The following DYSF variants were observed in gnomAD, a reference collection of about 807,000 sequenced individuals.
The protein encoded by DYSF is dystrophy-associated fer-1-like 1.
DYSF carries 212 observed loss-of-function variants against 274.9 expected under a neutral mutation model. That is an observed-to-expected ratio of 0.77 (90% CI 0.69 to 0.86). The LOEUF (loss-of-function observed/expected upper bound fraction) is 0.86, where lower values mean the gene tolerates loss of function less well. DYSF is among the 40% of genes least tolerant of loss of function. The pLI, the probability that DYSF is intolerant of heterozygous loss-of-function variation, is 0.00. For synonymous variants in DYSF, 1,091 were observed against 1,078.7 expected (o/e 1.01, Z -0.22); for missense variants, 2,666 against 2,783.2 (o/e 0.96, Z 0.95).
chr2:71,618,073 T>C (rs2093954674), intron 40 of DYSF, among the ~76,000 whole-genome samples: 1 of 123,330 alleles, frequency 8.1e-6, no homozygotes, highest in Non-Finnish European at 1.7e-5. Context: ...AGATGGGGTG[T>C]GTGTGTGGTA....
At chr2:71,513,576 G>T in intron 6 of DYSF, 140 bp from the exon 7 acceptor site, 1 of 914,868 alleles carries the variant, frequency 1.1e-6, no homozygotes, top group Non-Finnish European at 1.7e-6. Flanking sequence ...CACTGATGGG[G>T]AGGGAGGAGG....
At chr2:71,599,120 T>C (rs2093480710) in intron 33 of DYSF, among the ~76,000 whole-genome samples, 1 of 152,192 alleles carries the variant, frequency 6.6e-6, no homozygotes, top group Non-Finnish European at 1.5e-5. Flanking sequence ...GGCCCTTCAC[T>C]TGGGGTTCCT....
At chr2:71,512,262 C>T (rs542365653) in intron 5 of DYSF, among the ~76,000 whole-genome samples, 5 of 152,292 alleles carry the variant, frequency 3.3e-5, no homozygotes, top group Admixed American at 3.3e-4. Context: ...TGGGGTCTGA[C>T]CCAGGTGATA....
chr2:71,496,735 C>G (rs78128814), intron 3 of DYSF, among the ~76,000 whole-genome samples: 7,870 of 152,090 alleles, frequency 0.052, 253 homozygotes, highest in African/African-American at 0.11. Flanking sequence ...TCCAGGAATT[C>G]TGGGAAGAGA....
chr2:71,536,208 T>C (rs2089320796), intron 16 of DYSF, among the ~76,000 whole-genome samples: 1 of 152,202 alleles, frequency 6.6e-6, no homozygotes, highest in Non-Finnish European at 1.5e-5. Flanking sequence ...CCAAGAAGTC[T>C]TGGCTTTGTG....
At chr2:71,568,549 C>T (rs1177192777) in intron 26 of DYSF, among the ~76,000 whole-genome samples, 2 of 150,754 alleles carry the variant, frequency 1.3e-5, no homozygotes, top group African/African-American at 4.9e-5. Flanking sequence ...GTCCTTTATT[C>T]TTTTCATTAA....
At chr2:71,631,893 C>T (rs572594208) in intron 41 of DYSF, among the ~76,000 whole-genome samples, 1 of 152,178 alleles carries the variant, frequency 6.6e-6, no homozygotes, top group South Asian at 2.1e-4. Context: ...GTCTGGCAAA[C>T]TTCAGGGCTC....
intron 41 of DYSF, among the ~76,000 whole-genome samples, chr2:71,629,919 T>G (rs2094284376): frequency 6.6e-6 from 1 of 152,262 alleles, no homozygotes; most frequent in African/African-American, 2.4e-5. Context: ...TTGTGTACTC[T>G]AATTTCTTGT....
At chr2:71,637,551 G>T (rs1377192857) in intron 41 of DYSF, among the ~76,000 whole-genome samples, 1 of 152,204 alleles carries the variant, frequency 6.6e-6, no homozygotes, top group African/African-American at 2.4e-5. Flanking sequence ...CCAGGGAAGT[G>T]AGATGAGGTG....
intron 5 of DYSF, among the ~76,000 whole-genome samples, chr2:71,512,327 CA>C (rs1223726895): frequency 1.3e-5 from 2 of 152,216 alleles, no homozygotes; most frequent in Non-Finnish European, 2.9e-5. Context: ...CAGCACCCAG[CA>C]GGCCTTTGGT....
At chr2:71,479,050 G>A (rs1395347890) in intron 1 of DYSF, among the ~76,000 whole-genome samples, 1 of 151,854 alleles carries the variant, frequency 6.6e-6, no homozygotes, top group Non-Finnish European at 1.5e-5. Flanking sequence ...GAGGCTCGAG[G>A]GACTTTCGTG....
At chr2:71,665,038 AC>A in intron 46 of DYSF, 123 bp from the exon 47 acceptor site, 1 of 1,471,674 alleles carries the variant, frequency 6.8e-7, no homozygotes, top group Admixed American at 1.7e-5. Flanking sequence ...ATCAGATGGG[AC>A]ACCCACTGTA....
At chr2:71,533,995 C>G (rs1443811319) in intron 14 of DYSF, among the ~76,000 whole-genome samples, 1 of 152,102 alleles carries the variant, frequency 6.6e-6, no homozygotes. Flanking sequence ...TGCTAACTAA[C>G]ACAAGGGCCA....
intron 30 of DYSF, among the ~76,000 whole-genome samples, chr2:71,581,233 C>T (rs184716839): frequency 2.6e-5 from 4 of 152,364 alleles, no homozygotes; most frequent in African/African-American, 9.6e-5. Flanking sequence ...CGCGCCAGCC[C>T]ACACGTGGCA....
chr2:71,616,060 C>A (rs762997131), intron 40 of DYSF, among the ~76,000 whole-genome samples: 14 of 152,220 alleles, frequency 9.2e-5, no homozygotes, highest in Non-Finnish European at 1.5e-4. Context: ...TTACCAGCAT[C>A]TGCCTAGGTC....
At chr2:71,469,469 G>A (rs1644888884) in intron 1 of DYSF, among the ~76,000 whole-genome samples, 1 of 152,170 alleles carries the variant, frequency 6.6e-6, no homozygotes, top group Non-Finnish European at 1.5e-5. Context: ...GAACCACTGA[G>A]CCCAGCTCCT....
chr2:71,673,732 T>C (rs1428211443), intron 51 of DYSF, among the ~76,000 whole-genome samples: 1 of 152,206 alleles, frequency 6.6e-6, no homozygotes, highest in African/African-American at 2.4e-5. Context: ...CTATGTGGTC[T>C]TGGACAAATT....
intron 3 of DYSF, among the ~76,000 whole-genome samples, chr2:71,494,212 T>A (rs116759537): frequency 1.3e-3 from 204 of 152,296 alleles, no homozygotes; most frequent in African/African-American, 4.7e-3. Flanking sequence ...ACAACTTTCG[T>A]GGCAGTTTGT....
In DYSF at chr2:71,655,424, A is replaced by G. The variant is rs553618237; in HGVS notation, c.4627-738A>G. Among the ~76,000 whole-genome samples the G allele has an allele frequency of 2.0e-3, 301 of 152,346 alleles. 1 individual carries two copies. The highest frequency in any genetic ancestry group is 2.8e-3 in the Non-Finnish European group (193 of 68,036). On this transcript the variant is annotated intron_variant, in intron 42 of 55. Coordinates refer to ENST00000410020, the MANE Select transcript of DYSF (RefSeq NM_001130987.2). ...ATTTGGAAAGATGATTTCAGATATGACGAATTTAGCATGTATGTTAACCTG... is the reference window on the plus strand; with the variant it reads ...ATTTGGAAAGATGATTTCAGATATGGCGAATTTAGCATGTATGTTAACCTG...
Sources: allele counts gnomAD v4.1 joint callset (sites outside exome capture counted in the v4.1 genomes callset), GRCh38; gene constraint gnomAD v4.1.1; transcripts MANE v1.5; gene names NCBI Gene and HGNC (gene_info 2026-07-23, HGNC 2026-07-21).